CFAP61: variants seen among roughly 807,000 people sequenced by gnomAD.
The protein encoded by CFAP61 is cilia and flagella associated protein 61.
In CFAP61, 107 loss-of-function variants were observed where a neutral mutation model predicts 135.6. That is an observed-to-expected ratio of 0.79 (90% confidence interval 0.67 to 0.93). CFAP61 has a LOEUF of 0.93. Ranked by LOEUF, CFAP61 falls within the 40% of genes least tolerant of loss-of-function variation. The pLI is 0.00. For missense variants in CFAP61, 1,507 were observed against 1,556.2 expected, an observed-to-expected ratio of 0.97 and a Z score of 0.53; for synonymous variants, 575 against 578.5, an observed-to-expected ratio of 0.99 and a Z score of 0.09.
chr20:20,175,857 G>A (rs898708208), intron 13 of CFAP61, among the ~76,000 whole-genome samples: 31 of 151,956 alleles, frequency 2.0e-4, no homozygotes, highest in African/African-American at 6.8e-4. Flanking sequence ...TAATGGGTAC[G>A]TCATCTGGTA....
chr20:20,275,057 A>G (rs2053646447), intron 21 of CFAP61, among the ~76,000 whole-genome samples: 2 of 151,752 alleles, frequency 1.3e-5, no homozygotes, highest in South Asian at 4.2e-4. Context: ...GCTTTGGTCA[A>G]TGGGATGTTA....
chr20:20,063,867 C>T (rs1248231596), intron 2 of CFAP61, among the ~76,000 whole-genome samples: 1 of 151,998 alleles, frequency 6.6e-6, no homozygotes, highest in Non-Finnish European at 1.5e-5. Context: ...GAATAAAAAC[C>T]CATTGCATTT....
At chr20:20,351,370 C>T (rs1033901728) in intron 26 of CFAP61, among the ~76,000 whole-genome samples, 15 of 152,202 alleles carry the variant, frequency 9.9e-5, no homozygotes, top group Admixed American at 2.0e-4. Context: ...CACCTGAGGT[C>T]GGGAGTTCAA....
chr20:20,276,350 TG>T (rs2053762393), intron 21 of CFAP61, among the ~76,000 whole-genome samples: 1 of 152,224 alleles, frequency 6.6e-6, no homozygotes. Flanking sequence ...GCAGTTTATT[TG>T]TGAAAATGTG....
chr20:20,184,698 G>A (rs1030581562), intron 13 of CFAP61: 1 of 152,260 alleles, frequency 6.6e-6, no homozygotes, highest in African/African-American at 2.4e-5. Flanking sequence ...TTCTGATGAG[G>A]TAAGAACTTC....
At chr20:20,137,218 C>G (rs2050999816) in intron 8 of CFAP61, among the ~76,000 whole-genome samples, 1 of 152,360 alleles carries the variant, frequency 6.6e-6, no homozygotes, top group South Asian at 2.1e-4. Flanking sequence ...TAAGGCAGCA[C>G]AGCCATGGGT....
intron 18 of CFAP61, among the ~76,000 whole-genome samples, chr20:20,234,783 G>A (rs1426861661): frequency 1.3e-5 from 2 of 152,118 alleles, no homozygotes; most frequent in African/African-American, 4.8e-5. Context: ...GGCAGGTCAA[G>A]GAAGTCAGAA....
intron 13 of CFAP61, among the ~76,000 whole-genome samples, chr20:20,181,835 C>A (rs185139842): frequency 5.3e-5 from 8 of 152,312 alleles, no homozygotes; most frequent in African/African-American, 1.7e-4. Flanking sequence ...CTGGGAAGAT[C>A]AGGCAAGGTG....
intron 10 of CFAP61, among the ~76,000 whole-genome samples, 156 bp from the exon 11 acceptor site, chr20:20,163,894 T>A (rs1367150669): frequency 6.6e-6 from 1 of 152,052 alleles, no homozygotes; most frequent in African/African-American, 2.4e-5. Context: ...TAAGAACCTC[T>A]CCTTAAAACC....
chr20:20,142,633 G>T (rs1228228023), intron 8 of CFAP61, among the ~76,000 whole-genome samples: 1 of 152,174 alleles, frequency 6.6e-6, no homozygotes, highest in Non-Finnish European at 1.5e-5. Flanking sequence ...TGAGGGCAAA[G>T]AGAGGTGGAG....
chr20:20,097,938 C>G (rs1186817064), intron 7 of CFAP61, among the ~76,000 whole-genome samples: 5 of 152,194 alleles, frequency 3.3e-5, no homozygotes, highest in Non-Finnish European at 2.9e-5. Flanking sequence ...GGCACTGGAA[C>G]AATGACCTGT....
At chr20:20,272,748 C>A (rs1293637146) in intron 21 of CFAP61, among the ~76,000 whole-genome samples, 2 of 152,316 alleles carry the variant, frequency 1.3e-5, no homozygotes, top group East Asian at 3.9e-4. Context: ...TCAGGAAGAT[C>A]TGTTTCTCTG....
intron 25 of CFAP61, among the ~76,000 whole-genome samples, chr20:20,337,474 GTGGATGGATGGATGGATAGA>G (rs2058256900): frequency 7.3e-6 from 1 of 137,094 alleles, no homozygotes. Context: ...AGATGGGTGG[GTGGATGGATGGATGGATAGA>G]TGGGTGGATG....
At chr20:20,115,907 G>T (rs1431768585) in intron 8 of CFAP61, among the ~76,000 whole-genome samples, 3 of 152,202 alleles carry the variant, frequency 2.0e-5, no homozygotes, top group Non-Finnish European at 4.4e-5. Flanking sequence ...ACATGGAAGT[G>T]CAGATAGCTC....
At chr20:20,130,011 C>T (rs562407918) in intron 8 of CFAP61, among the ~76,000 whole-genome samples, 4 of 151,490 alleles carry the variant, frequency 2.6e-5, no homozygotes, top group Admixed American at 6.6e-5. Flanking sequence ...ACTGAGTAGC[C>T]GGGCGCGATG....
At chr20:20,236,503 T>A (rs2049602078) in intron 18 of CFAP61, among the ~76,000 whole-genome samples, 1 of 152,222 alleles carries the variant, frequency 6.6e-6, no homozygotes, top group South Asian at 2.1e-4. Context: ...AGTCACATCA[T>A]TACTTTGGGG....
chr20:20,191,622 A>G (rs1033877755), intron 15 of CFAP61, among the ~76,000 whole-genome samples: 1 of 152,166 alleles, frequency 6.6e-6, no homozygotes, highest in Non-Finnish European at 1.5e-5. Context: ...TATTTAATAT[A>G]TTACAAAGAC....
At chr20:20,270,533 C>T (rs193129595) in intron 21 of CFAP61, among the ~76,000 whole-genome samples, 2 of 152,140 alleles carry the variant, frequency 1.3e-5, no homozygotes, top group Admixed American at 1.3e-4. Context: ...GTTTTCCTTT[C>T]CTGCGAAGTC....
At chr20:20,239,056 A>G (rs1006982173) in intron 18 of CFAP61, among the ~76,000 whole-genome samples, 8 of 151,926 alleles carry the variant, frequency 5.3e-5, no homozygotes, top group African/African-American at 1.7e-4. Flanking sequence ...ACACCATTAG[A>G]TCTGAGCTTT....
Sources: gnomAD v4.1 joint callset for allele counts (sites outside exome capture counted in the v4.1 genomes callset) on GRCh38, gnomAD v4.1.1 for gene constraint, MANE v1.5 for transcripts, NCBI Gene and HGNC (gene_info 2026-07-23, HGNC 2026-07-21) for gene names.